LHFPL3: variants seen among roughly 807,000 people sequenced by gnomAD.
LHFPL3 encodes LHFPL tetraspan subfamily member 3, also known as LHFPL tetraspan subfamily member 3 protein.
In LHFPL3, 5 loss-of-function variants were observed where a neutral mutation model predicts 19.3. The observed-to-expected ratio is 0.26, with a 90% CI of 0.14 to 0.54. The LOEUF (loss-of-function observed/expected upper bound fraction) is 0.54. Ranked by LOEUF, LHFPL3 falls within the 20% of genes least tolerant of loss-of-function variation. The pLI is 0.94. For missense variants in LHFPL3, 249 were observed against 307.4 expected (o/e 0.81, Z 1.42); for synonymous variants, 133 against 126.2 (o/e 1.05, Z -0.36).
At chr7:104,530,645 C>T (rs148444103) in intron 1 of LHFPL3, among the ~76,000 whole-genome samples, 4 of 152,248 alleles carry the variant, frequency 2.6e-5, no homozygotes, top group East Asian at 3.9e-4. Context: ...TTGTGTGACT[C>T]GGAATTCACA....
chr7:104,902,547 G>A (rs7798670), intron 2 of LHFPL3, among the ~76,000 whole-genome samples: 3,276 of 152,216 alleles, frequency 0.022, 113 homozygotes, highest in African/African-American at 0.075. Context: ...AGCACTTTGG[G>A]AGGCCGAGGT....
intron 2 of LHFPL3, among the ~76,000 whole-genome samples, chr7:104,823,916 C>G (rs1339822228): frequency 6.6e-6 from 1 of 151,500 alleles, no homozygotes; most frequent in Non-Finnish European, 1.5e-5. Flanking sequence ...GAGGCCAAAA[C>G]GGGTGGATCA....
intron 1 of LHFPL3, among the ~76,000 whole-genome samples, chr7:104,525,659 T>C (rs1424776479): frequency 6.7e-6 from 1 of 149,606 alleles, no homozygotes; most frequent in Non-Finnish European, 1.5e-5. Context: ...CAGGCTGGAG[T>C]GCAGTGGTGT....
intron 2 of LHFPL3, among the ~76,000 whole-genome samples, chr7:104,771,059 G>A (rs937272963): frequency 3.3e-5 from 5 of 152,068 alleles, no homozygotes; most frequent in South Asian, 2.1e-4. Flanking sequence ...CTTTTTGGGG[G>A]CAGCTCTCTC....
chr7:104,824,682 T>C (rs1246397274), intron 2 of LHFPL3, among the ~76,000 whole-genome samples: 14 of 97,206 alleles, frequency 1.4e-4, no homozygotes, highest in Non-Finnish European at 2.6e-4. Flanking sequence ...TGGCATTATA[T>C]ATAATATATA....
chr7:104,831,217 TTTTA>T (rs1214874025), intron 2 of LHFPL3, among the ~76,000 whole-genome samples: 2 of 18,988 alleles, frequency 1.1e-4, no homozygotes, highest in Non-Finnish European at 2.0e-4. Context: ...CAAGCTGCAC[TTTTA>T]TTCTTAATAA....
At chr7:104,495,605 C>A (rs184008376) in intron 1 of LHFPL3, among the ~76,000 whole-genome samples, 21 of 152,102 alleles carry the variant, frequency 1.4e-4, no homozygotes, top group Non-Finnish European at 2.5e-4. Flanking sequence ...GGATGGTCTC[C>A]ATCTCCTGAC....
At chr7:104,597,839 C>G (rs6948066) in intron 1 of LHFPL3, among the ~76,000 whole-genome samples, 5,194 of 152,040 alleles carry the variant, frequency 0.034, 112 homozygotes, top group Middle Eastern at 0.051. Context: ...AATTTTTACC[C>G]CAATATAAAC....
chr7:104,548,774 CTCAA>C (rs1371324100), intron 1 of LHFPL3, among the ~76,000 whole-genome samples: 1 of 152,070 alleles, frequency 6.6e-6, no homozygotes, highest in African/African-American at 2.4e-5. Flanking sequence ...AACAATGGTC[CTCAA>C]TAAGTCAGAG....
chr7:104,798,050 G>A (rs920899621), intron 2 of LHFPL3, among the ~76,000 whole-genome samples: 2 of 152,106 alleles, frequency 1.3e-5, no homozygotes, highest in African/African-American at 2.4e-5. Flanking sequence ...TATGTGAGGT[G>A]GACACCAGTG....
chr7:104,774,779 A>ATCAT (rs1794613598), intron 2 of LHFPL3, among the ~76,000 whole-genome samples: 1 of 152,192 alleles, frequency 6.6e-6, no homozygotes, highest in Non-Finnish European at 1.5e-5. Context: ...CCTTTTACAG[A>ATCAT]GTTTTGCTCT....
chr7:104,550,992 C>T (rs1794652501), intron 1 of LHFPL3, among the ~76,000 whole-genome samples: 1 of 152,098 alleles, frequency 6.6e-6, no homozygotes, highest in Non-Finnish European at 1.5e-5. Flanking sequence ...CTCTCTCTCA[C>T]CAGGTTATAT....
At chr7:104,577,745 A>G (rs34932663) in intron 1 of LHFPL3, among the ~76,000 whole-genome samples, 5,355 of 152,216 alleles carry the variant, frequency 0.035, 305 homozygotes, top group African/African-American at 0.12. Context: ...TCCATAATGT[A>G]AGGCATATTG....
chr7:104,557,391 G>A (rs555686391), intron 1 of LHFPL3, among the ~76,000 whole-genome samples: 75 of 152,336 alleles, frequency 4.9e-4, no homozygotes, highest in African/African-American at 1.7e-3. Context: ...AGCAGGCAAA[G>A]AGAGAGATTG....
chr7:104,637,153 C>T (rs772047580), intron 1 of LHFPL3, among the ~76,000 whole-genome samples: 6 of 152,248 alleles, frequency 3.9e-5, no homozygotes, highest in Middle Eastern at 3.4e-3. Flanking sequence ...GCATCTTTTT[C>T]ATATGCTTGT....
intron 1 of LHFPL3, among the ~76,000 whole-genome samples, chr7:104,340,622 G>A (rs1480684143): frequency 6.6e-6 from 1 of 152,190 alleles, no homozygotes; most frequent in Non-Finnish European, 1.5e-5. Flanking sequence ...AGGCAATTGA[G>A]TGGCGCAATT....
At chr7:104,701,305 G>A (rs1450693278) in intron 1 of LHFPL3, among the ~76,000 whole-genome samples, 1 of 151,984 alleles carries the variant, frequency 6.6e-6, no homozygotes, top group East Asian at 1.9e-4. Flanking sequence ...CAGGGATTAA[G>A]GGCACCAACC....
At chr7:104,668,296 C>T in intron 1 of LHFPL3, 1 of 1,605,978 alleles carries the variant, frequency 6.2e-7, no homozygotes, top group South Asian at 1.1e-5. Flanking sequence ...GATGATCCTC[C>T]TTTTGGCCGT....
chr7:104,760,436 C>T (rs1459438975), intron 2 of LHFPL3, among the ~76,000 whole-genome samples: 4 of 151,986 alleles, frequency 2.6e-5, no homozygotes, highest in African/African-American at 9.7e-5. Context: ...AAGCATTCAC[C>T]TCTTCCCTCA....
Sources: gnomAD v4.1 joint callset for allele counts (sites outside exome capture counted in the v4.1 genomes callset) on GRCh38, gnomAD v4.1.1 for gene constraint, MANE v1.5 for transcripts, NCBI Gene and HGNC (gene_info 2026-07-23, HGNC 2026-07-21) for gene names.